Variants in ANKIB1 observed in about 807,000 individuals in gnomAD.
ANKIB1 encodes the protein ankyrin repeat and IBR domain containing 1.
ANKIB1 carries 43 observed loss-of-function variants against 122.1 expected under a neutral mutation model. That is an observed-to-expected ratio of 0.35 (90% confidence interval 0.28 to 0.45). ANKIB1 has a LOEUF of 0.45. ANKIB1 is among the 20% of genes least tolerant of loss of function. The pLI, the probability that ANKIB1 is intolerant of heterozygous loss-of-function variation, is 1.00. For synonymous variants in ANKIB1, 390 were observed against 442.0 expected (o/e 0.88, Z 1.48); for missense variants, 992 against 1,329.5 (o/e 0.75, Z 3.95).
rs1243677335 is a variant in ANKIB1 at position 92,400,132 on chromosome 7, A to G, written c.*1183A>G. The G allele has an allele frequency of 6.6e-6, 1 of 152,200 alleles. No homozygotes were observed. Among genetic ancestry groups the G allele is most frequent in the East Asian group, 1.9e-4 (1 of 5,200 alleles). The allele number at this position is 152,200 out of a possible 1,614,324, so 9.4% of individuals were successfully genotyped here. A position where few individuals can be genotyped will look rare whatever the true frequency, so the allele number is the denominator to read the frequency against. On this transcript the variant is annotated 3_prime_UTR_variant, in exon 20 of 20. Coordinates refer to ENST00000265742, the MANE Select transcript of ANKIB1 (RefSeq NM_019004.2). Reference sequence around the variant, plus strand: ...TGCAAAGACCTCCATAAAACCACCCATGGCCTTGCTTTTACACTAACTATA... The same window carrying G: ...TGCAAAGACCTCCATAAAACCACCCGTGGCCTTGCTTTTACACTAACTATA...
intron 1 of ANKIB1, among the ~76,000 whole-genome samples, chr7:92,275,633 A>G (rs1413873374): frequency 6.6e-6 from 1 of 152,144 alleles, no homozygotes; most frequent in Non-Finnish European, 1.5e-5. Context: ...TGCCAGAAGG[A>G]CAGGGACATA....
intron 10 of ANKIB1, among the ~76,000 whole-genome samples, chr7:92,365,859 C>G (rs915093252): frequency 1.3e-4 from 15 of 112,848 alleles, no homozygotes; most frequent in African/African-American, 5.2e-4. Context: ...TGCAGTGGTG[C>G]GATCTCGGCT....
At chr7:92,319,596 CAGTT>C (rs1408320751) in intron 4 of ANKIB1, 84 bp downstream of exon 4, 2 of 1,341,050 alleles carry the variant, frequency 1.5e-6, no homozygotes, top group Non-Finnish European at 2.1e-6. Flanking sequence ...CTTTAAAACT[CAGTT>C]TGTGTGTTCT....
At chr7:92,266,105 C>T (rs1423455911) in intron 1 of ANKIB1, among the ~76,000 whole-genome samples, 1 of 152,056 alleles carries the variant, frequency 6.6e-6, no homozygotes, top group East Asian at 1.9e-4. Context: ...AACCAGGTGT[C>T]CAGTGAGGTT....
rs763271735 is a variant in ANKIB1 at position 92,344,980 on chromosome 7, T to C, written c.999T>C (p.Cys333=). Residue 333 remains cysteine, a splice_region_variant and synonymous_variant, in exon 7 of 20, where the codon TGT becomes TGC. Transcript: ENST00000265742. ...LSPGDLDTSL[C]DICMCSISVF... ...TCATTGTTCTTCTTCATCTCCAGTG[T>C]GACATTTGTATGTGCAGTATCTCTG... 3 of 1,605,624 alleles carry C rather than the reference T, an allele frequency of 1.9e-6. No homozygotes were observed. The Admixed American group carries it at 5.0e-5, about 27-fold the overall frequency.
intron 7 of ANKIB1, 80 bp downstream of exon 7, chr7:92,345,146 T>C: frequency 9.8e-7 from 1 of 1,019,692 alleles, no homozygotes; most frequent in South Asian, 1.5e-5. Flanking sequence ...CTTTCAGTAT[T>C]TAATGATGCA....
chr7:92,306,776 G>A (rs140948993), intron 2 of ANKIB1, among the ~76,000 whole-genome samples: 1,565 of 152,188 alleles, frequency 0.01, 15 homozygotes, highest in Non-Finnish European at 0.012. Flanking sequence ...TTAAGACATC[G>A]TGTAAATATA....
At chr7:92,353,883 GA>G (rs1330650750) in intron 9 of ANKIB1, among the ~76,000 whole-genome samples, 1 of 152,160 alleles carries the variant, frequency 6.6e-6, no homozygotes, top group Non-Finnish European at 1.5e-5. Context: ...AATCCTGGTT[GA>G]AAAAGGCTGA....
chr7:92,341,105 G>A (rs935597971), intron 5 of ANKIB1, among the ~76,000 whole-genome samples: 19 of 152,176 alleles, frequency 1.2e-4, no homozygotes, highest in African/African-American at 4.6e-4. Flanking sequence ...GGGAGTTTGA[G>A]ACCAGCCTGG....
At position 92,246,152 on chromosome 7, in the gene ANKIB1, A is replaced by C; in HGVS notation, c.-458A>C. 6.6e-6 allele frequency: 2 copies of C among 302,960 alleles called. No homozygotes were observed. The highest frequency in any genetic ancestry group is 1.3e-5 in the Non-Finnish European group (2 of 159,186). 18.8% of individuals were successfully genotyped at this position (302,960 alleles called of 1,614,324 possible). ...AGGGCGGCCGGGGCTGCGAGCGCGC[A>C]AGGCTGGAACATGAGCCGGGCTTGA... On this transcript the variant is annotated 5_prime_UTR_variant, in exon 1 of 20. Coordinates refer to ENST00000265742, the MANE Select transcript of ANKIB1 (RefSeq NM_019004.2).
intron 3 of ANKIB1, among the ~76,000 whole-genome samples, chr7:92,309,500 T>G (rs907748029): frequency 6.6e-6 from 1 of 152,178 alleles, no homozygotes. Flanking sequence ...CTCTGTACAT[T>G]GTCCTGTGTT....
At chr7:92,290,075 C>T (rs1046732401) in intron 1 of ANKIB1, among the ~76,000 whole-genome samples, 2 of 152,226 alleles carry the variant, frequency 1.3e-5, no homozygotes, top group Admixed American at 1.3e-4. Context: ...CCTCAGCCTC[C>T]CAAAGTTCTG....
At chr7:92,303,344 C>T (rs1268937733) in intron 2 of ANKIB1, among the ~76,000 whole-genome samples, 2 of 152,172 alleles carry the variant, frequency 1.3e-5, no homozygotes, top group African/African-American at 4.8e-5. Context: ...GCACTCAAAA[C>T]ATTTCAGATT....
At chr7:92,302,289 G>A (rs1029518101) in intron 2 of ANKIB1, among the ~76,000 whole-genome samples, 4 of 152,088 alleles carry the variant, frequency 2.6e-5, no homozygotes, top group African/African-American at 2.4e-5. Context: ...TCCTAGTCAC[G>A]GACCTTTTAG....
intron 1 of ANKIB1, among the ~76,000 whole-genome samples, chr7:92,259,167 G>A (rs1006593792): frequency 2.6e-5 from 4 of 152,118 alleles, no homozygotes; most frequent in Non-Finnish European, 4.4e-5. Flanking sequence ...TGTTGCCCAG[G>A]CTGGTCTCGG....
intron 1 of ANKIB1, among the ~76,000 whole-genome samples, chr7:92,259,536 C>G (rs527323866): frequency 3.9e-5 from 6 of 152,170 alleles, no homozygotes; most frequent in African/African-American, 1.4e-4. Flanking sequence ...AAAAATAAAT[C>G]TGAAAAAAGG....
intron 10 of ANKIB1, among the ~76,000 whole-genome samples, chr7:92,364,310 TAAAAAAAAAAAAAAAA>T (rs762884822): frequency 2.1e-4 from 7 of 33,506 alleles, no homozygotes; most frequent in Non-Finnish European, 4.3e-4. Flanking sequence ...AGACTCCATC[TAAAAAAAAAAAAAAAA>T]AAAAAAAAAA....
chr7:92,258,871 T>A (rs1195288210), intron 1 of ANKIB1, among the ~76,000 whole-genome samples: 2 of 152,128 alleles, frequency 1.3e-5, no homozygotes, highest in African/African-American at 4.8e-5. Flanking sequence ...CATTTGGAAT[T>A]TTTTGCCCTT....
intron 1 of ANKIB1, among the ~76,000 whole-genome samples, chr7:92,253,194 TG>T (rs930305602): frequency 1.3e-5 from 2 of 152,250 alleles, no homozygotes; most frequent in African/African-American, 2.4e-5. Context: ...TCCCTTGAAA[TG>T]TTTATGAATG....
Sources: gnomAD v4.1 joint callset for allele counts (sites outside exome capture counted in the v4.1 genomes callset) on GRCh38, gnomAD v4.1.1 for gene constraint, MANE v1.5 for transcripts, NCBI Gene and HGNC (gene_info 2026-07-23, HGNC 2026-07-21) for gene names.